Variants in RPA3 observed in about 807,000 individuals in gnomAD.
The protein encoded by RPA3 is replication protein A3, also known as replication protein A 14 kDa subunit.
In RPA3, 24 loss-of-function variants were observed where a neutral mutation model predicts 13.7. The ratio of observed to expected loss-of-function variants is 1.75; its 90% CI spans 1.27 to 2.46. The LOEUF is 2.46. Ranked by LOEUF, RPA3 falls within the 30% of genes most tolerant of loss-of-function variation. RPA3 has a pLI of 0.00. For missense variants in RPA3, 183 were observed against 151.0 expected (o/e 1.21, Z -1.11); for synonymous variants, 59 against 51.2 (o/e 1.15, Z -0.65).
At chr7:7,708,927 CTGTG>C (rs890448329) in intron 2 of RPA3, among the ~76,000 whole-genome samples, 5 of 148,818 alleles carry the variant, frequency 3.4e-5, no homozygotes, top group Non-Finnish European at 6.0e-5. Flanking sequence ...GTTTGTGTGT[CTGTG>C]TGTGTGTGAG....
chr7:7,699,524 A>C (rs573098614), intron 2 of RPA3, among the ~76,000 whole-genome samples: 29 of 152,302 alleles, frequency 1.9e-4, no homozygotes, highest in African/African-American at 5.5e-4. Flanking sequence ...GGAAAGTTTC[A>C]CTTTAGAAAC....
chr7:7,704,298 A>C lies in RPA3; in HGVS notation c.-1028+10877T>G, dbSNP rs191900270. ...AAACATTCATGTAAATATGTAAAAC[A>C]GTTAACTTAATAAATATATTTAAAA... On this transcript the variant is annotated intron_variant, in intron 2 of 7. Transcript: ENST00000223129. Among the ~76,000 whole-genome samples the C allele has an allele frequency of 4.5e-3, 678 of 152,292 alleles. 4 individuals are homozygous for C. The highest frequency in any genetic ancestry group is 0.016 in the African/African-American group (652 of 41,564).
At chr7:7,659,155 C>T (rs1785414316) in intron 4 of RPA3, among the ~76,000 whole-genome samples, 3 of 152,092 alleles carry the variant, frequency 2.0e-5, no homozygotes, top group Admixed American at 6.6e-5. Flanking sequence ...GTGATATCCC[C>T]TTTATCATTT....
chr7:7,710,104 T>C (rs1780716060), intron 2 of RPA3, among the ~76,000 whole-genome samples: 1 of 152,226 alleles, frequency 6.6e-6, no homozygotes, highest in South Asian at 2.1e-4. Context: ...TGGTCTCATC[T>C]ATATTGCTCT....
chr7:7,690,162 A>G (rs577103029), intron 2 of RPA3, among the ~76,000 whole-genome samples: 38 of 152,312 alleles, frequency 2.5e-4, no homozygotes, highest in African/African-American at 6.3e-4. Flanking sequence ...TAAGTCAGCA[A>G]TTCTGCTGAT....
intron 4 of RPA3, among the ~76,000 whole-genome samples, chr7:7,680,047 G>A (rs1427286144): frequency 6.6e-6 from 1 of 151,980 alleles, no homozygotes. Flanking sequence ...TTAACTTGAT[G>A]TAATCCCATT....
chr7:7,639,896 A>G, intron 5 of RPA3: 1 of 205,872 alleles, frequency 4.9e-6, no homozygotes, highest in South Asian at 6.0e-5. Context: ...CAACCAAGGC[A>G]TGTTTTACAG....
intron 4 of RPA3, among the ~76,000 whole-genome samples, chr7:7,657,718 TGTA>T (rs1235857161): frequency 6.6e-6 from 1 of 152,212 alleles, no homozygotes; most frequent in African/African-American, 2.4e-5. Context: ...ACTGTAGTCT[TGTA>T]GTATAGTTTG....
chr7:7,714,631 G>C (rs774174131), intron 2 of RPA3, among the ~76,000 whole-genome samples: 4 of 152,064 alleles, frequency 2.6e-5, no homozygotes, highest in Non-Finnish European at 5.9e-5. Context: ...AACAGTTGGA[G>C]GTTGTGTACA....
At chr7:7,695,981 G>GT (rs34880729) in intron 2 of RPA3, among the ~76,000 whole-genome samples, 44,559 of 130,596 alleles carry the variant, frequency 0.34, 7,797 homozygotes, top group African/African-American at 0.43. Flanking sequence ...GTATATCTCC[G>GT]TTTTTTTTTT....
intron 5 of RPA3, chr7:7,639,946 A>C (rs1784926593): frequency 4.1e-6 from 1 of 245,206 alleles, no homozygotes; most frequent in South Asian, 4.3e-5. Flanking sequence ...TGCAAAAATA[A>C]GTAATTTCAG....
chr7:7,651,110 C>T (rs111781023), intron 4 of RPA3, among the ~76,000 whole-genome samples: 10 of 152,212 alleles, frequency 6.6e-5, no homozygotes, highest in African/African-American at 2.4e-4. Context: ...ATCAGACATT[C>T]AGAGAAATCA....
chr7:7,696,970 T>C (rs1189903786), intron 2 of RPA3, among the ~76,000 whole-genome samples: 1 of 152,128 alleles, frequency 6.6e-6, no homozygotes, highest in Non-Finnish European at 1.5e-5. Context: ...AGCTATGACC[T>C]AAGCTTAGCA....
intron 2 of RPA3, among the ~76,000 whole-genome samples, chr7:7,699,733 A>G (rs1052832172): frequency 2.0e-5 from 3 of 152,222 alleles, no homozygotes; most frequent in African/African-American, 7.2e-5. Context: ...GTGCACCACA[A>G]CTTGTAAGGT....
chr7:7,637,918 C>A lies in RPA3; in HGVS notation c.229G>T (p.Ala77Ser). ...ACATAAGATGTACACAAGATGGTGG[C>A]CTTGGCGGTTACTCTTCCAACCACT... ...VEVVGRVTAK[A>S]TILCTSYVQF... Residue 77 changes from alanine to serine, a missense_variant, in exon 7 of 8, where the codon GCC becomes TCC. Transcript: ENST00000223129. The A allele has an allele frequency of 1.2e-6, 2 of 1,613,642 alleles. No individual in the cohort carries two copies. Among genetic ancestry groups the A allele is most frequent in the African/African-American group, 2.7e-5 (2 of 74,998 alleles).
At chr7:7,647,445 A>G (rs574776124) in intron 4 of RPA3, among the ~76,000 whole-genome samples, 50 of 152,316 alleles carry the variant, frequency 3.3e-4, no homozygotes, top group Non-Finnish European at 6.5e-4. Context: ...TGGCAAAAAA[A>G]TGTATTTTCC....
At chr7:7,685,542 C>T (rs1054265101) in intron 4 of RPA3, among the ~76,000 whole-genome samples, 1 of 152,022 alleles carries the variant, frequency 6.6e-6, no homozygotes, top group Admixed American at 6.6e-5. Context: ...ATCCTGACCT[C>T]GTGATCCGCC....
chr7:7,672,119 CCTT>C (rs1231380924), intron 4 of RPA3, among the ~76,000 whole-genome samples: 1 of 152,166 alleles, frequency 6.6e-6, no homozygotes, highest in African/African-American at 2.4e-5. Flanking sequence ...CCTCACCCTC[CCTT>C]CTTGGTTTTC....
At chr7:7,660,497 A>T (rs552777758) in intron 4 of RPA3, among the ~76,000 whole-genome samples, 2 of 152,278 alleles carry the variant, frequency 1.3e-5, no homozygotes, top group South Asian at 4.1e-4. Context: ...GGCAGGCCTC[A>T]TGGTGACAAA....
Sources: gnomAD v4.1 joint callset for allele counts (sites outside exome capture counted in the v4.1 genomes callset) on GRCh38, gnomAD v4.1.1 for gene constraint, MANE v1.5 for transcripts, NCBI Gene and HGNC (gene_info 2026-07-23, HGNC 2026-07-21) for gene names.